Variants in PLXDC2 observed in about 807,000 individuals in gnomAD.
PLXDC2 encodes plexin domain containing 2.
Under a neutral mutation model 68.9 loss-of-function variants are expected in PLXDC2, and 40 were observed. The ratio of observed to expected loss-of-function variants is 0.58; its 90% CI spans 0.45 to 0.76. The LOEUF (loss-of-function observed/expected upper bound fraction) is 0.76, where lower values mean the gene tolerates loss of function less well. PLXDC2 is among the 30% of genes least tolerant of loss of function. PLXDC2 has a pLI of 0.00. For synonymous variants in PLXDC2, 243 were observed against 234.2 expected (o/e 1.04, Z -0.34); for missense variants, 644 against 661.9 (o/e 0.97, Z 0.30).
In PLXDC2 at chr10:19,886,619, A is replaced by G. The variant is rs566622330; in HGVS notation, c.112+69428A>G. On this transcript the variant is annotated intron_variant, in intron 1 of 13. Transcript: ENST00000377252. ...TCAATAAATTAGGAATTGATGGGAC[A>G]TATCTCAAAATAATAGGAGCTATCT... Among the ~76,000 whole-genome samples, 166 of 152,356 alleles carry G rather than the reference A, an allele frequency of 1.1e-3. 2 individuals carry two copies. The highest frequency in any genetic ancestry group is 0.011 in the Admixed American group (165 of 15,308).
rs142755658 is a variant in PLXDC2, at chr10:19,890,343, TC to T, written c.112+73153del. On this transcript the variant is annotated intron_variant, in intron 1 of 13. Coordinates refer to ENST00000377252, the MANE Select transcript of PLXDC2 (RefSeq NM_032812.9). ...GAGGTTTCGGGTATGAATCATCCCA[TC>T]ACCCAGGTACTGAGCATAGTACCCA... is the stretch of plus-strand genomic sequence containing the variant. 5.8e-3 allele frequency among the ~76,000 whole-genome samples: 889 copies of T among 152,272 alleles called. 8 individuals are homozygous for T. Among genetic ancestry groups the T allele is most frequent in the African/African-American group, 0.02 (834 of 41,554 alleles).
intron 4 of PLXDC2, among the ~76,000 whole-genome samples, chr10:20,114,473 G>T (rs1223743170): frequency 6.6e-6 from 1 of 152,258 alleles, no homozygotes; most frequent in Non-Finnish European, 1.5e-5. Flanking sequence ...TGTCCTCTGG[G>T]GTCTGTAAGA....
At chr10:20,083,476 C>CA (rs376829237) in intron 4 of PLXDC2, among the ~76,000 whole-genome samples, 52,433 of 121,210 alleles carry the variant, frequency 0.43, 12,583 homozygotes, top group East Asian at 0.69. Flanking sequence ...GACTCCGTCT[C>CA]AAAAAAAAAA....
chr10:19,942,715 G>A (rs1054578695), intron 1 of PLXDC2, among the ~76,000 whole-genome samples: 4 of 152,118 alleles, frequency 2.6e-5, no homozygotes, highest in East Asian at 1.9e-4. Flanking sequence ...TGCAGTGAGC[G>A]GAGATGGCAC....
At chr10:19,838,996 G>A (rs1366476185) in intron 1 of PLXDC2, among the ~76,000 whole-genome samples, 2 of 152,038 alleles carry the variant, frequency 1.3e-5, no homozygotes, top group Non-Finnish European at 2.9e-5. Flanking sequence ...GACCAGCCTG[G>A]CCAACATGGT....
At chr10:19,851,135 T>C (rs996029309) in intron 1 of PLXDC2, among the ~76,000 whole-genome samples, 14 of 152,106 alleles carry the variant, frequency 9.2e-5, no homozygotes, top group African/African-American at 2.9e-4. Flanking sequence ...GCTATGGTTT[T>C]GGACATAGAT....
At chr10:19,926,906 C>G (rs985248196) in intron 1 of PLXDC2, among the ~76,000 whole-genome samples, 1 of 152,164 alleles carries the variant, frequency 6.6e-6, no homozygotes, top group Non-Finnish European at 1.5e-5. Context: ...ACAGGTAGCT[C>G]CTAACCTAGG....
intron 2 of PLXDC2, among the ~76,000 whole-genome samples, chr10:20,032,982 A>G (rs1368814084): frequency 6.2e-5 from 9 of 146,034 alleles, no homozygotes; most frequent in Non-Finnish European, 1.2e-4. Context: ...GAAGTAAACA[A>G]TGAGAACACT....
chr10:19,855,453 C>T (rs547362685), intron 1 of PLXDC2, among the ~76,000 whole-genome samples: 1 of 152,106 alleles, frequency 6.6e-6, no homozygotes, highest in South Asian at 2.1e-4. Context: ...TTTATTTGAA[C>T]TGTCTAAACC....
chr10:20,265,482 T>C (rs1248266066), intron 13 of PLXDC2, among the ~76,000 whole-genome samples: 2 of 152,232 alleles, frequency 1.3e-5, no homozygotes, highest in Non-Finnish European at 2.9e-5. Flanking sequence ...TTATGTGTGT[T>C]ACTCCATCTA....
intron 2 of PLXDC2, among the ~76,000 whole-genome samples, chr10:20,006,145 C>T (rs1273242439): frequency 2.0e-5 from 3 of 151,846 alleles, no homozygotes; most frequent in Admixed American, 1.3e-4. Context: ...CACCACTGTA[C>T]TCCAACCTGG....
At chr10:19,919,243 A>G (rs1463039142) in intron 1 of PLXDC2, among the ~76,000 whole-genome samples, 2 of 152,254 alleles carry the variant, frequency 1.3e-5, no homozygotes, top group Non-Finnish European at 2.9e-5. Flanking sequence ...AAGGGTGAAA[A>G]TAAAAATCCA....
At chr10:19,996,997 G>A (rs1466567234) in intron 1 of PLXDC2, among the ~76,000 whole-genome samples, 1 of 152,072 alleles carries the variant, frequency 6.6e-6, no homozygotes, top group Non-Finnish European at 1.5e-5. Flanking sequence ...ATTAGGGTGG[G>A]GACACAGCCA....
intron 9 of PLXDC2, among the ~76,000 whole-genome samples, chr10:20,193,744 T>G (rs1477087197): frequency 1.3e-5 from 2 of 152,116 alleles, no homozygotes; most frequent in Non-Finnish European, 2.9e-5. Context: ...ATTAAGTGTA[T>G]TTTATGAAGC....
chr10:20,163,403 G>A (rs1433942080), intron 6 of PLXDC2, among the ~76,000 whole-genome samples: 2 of 151,660 alleles, frequency 1.3e-5, no homozygotes, highest in Non-Finnish European at 2.9e-5. Context: ...ATTATAGATT[G>A]TATTGTATTG....
At chr10:19,932,368 T>G (rs776435495) in intron 1 of PLXDC2, among the ~76,000 whole-genome samples, 1 of 152,182 alleles carries the variant, frequency 6.6e-6, no homozygotes, top group African/African-American at 2.4e-5. Flanking sequence ...CCTTCCAGCC[T>G]TTCCTTTCTA....
At chr10:19,835,914 A>G (rs975180384) in intron 1 of PLXDC2, among the ~76,000 whole-genome samples, 4 of 152,150 alleles carry the variant, frequency 2.6e-5, no homozygotes, top group African/African-American at 9.7e-5. Context: ...GCTCACAGCC[A>G]TAATTTCAGC....
chr10:20,035,526 G>T (rs1030584954), intron 2 of PLXDC2, among the ~76,000 whole-genome samples: 1 of 151,688 alleles, frequency 6.6e-6, no homozygotes, highest in East Asian at 1.9e-4. Context: ...GTAAAACCCC[G>T]TCTCTACTAA....
intron 4 of PLXDC2, among the ~76,000 whole-genome samples, chr10:20,124,133 G>T (rs751437037): frequency 6.6e-6 from 1 of 152,136 alleles, no homozygotes; most frequent in Non-Finnish European, 1.5e-5. Flanking sequence ...TGCATGGTCT[G>T]ACACCTCTGA....
Sources: allele counts gnomAD v4.1 joint callset (sites outside exome capture counted in the v4.1 genomes callset), GRCh38; gene constraint gnomAD v4.1.1; transcripts MANE v1.5; gene names NCBI Gene and HGNC (gene_info 2026-07-23, HGNC 2026-07-21).